MGST1: variants seen among roughly 807,000 people sequenced by gnomAD.
The protein encoded by MGST1 is glutathione S-transferase 12.
MGST1 carries 5 observed loss-of-function variants against 8.9 expected under a neutral mutation model. The ratio of observed to expected loss-of-function variants is 0.56; its 90% CI spans 0.29 to 1.19. MGST1 has a LOEUF of 1.19. Ranked by LOEUF, MGST1 falls within the 50% of genes most tolerant of loss-of-function variation. The pLI is 0.08. For synonymous variants in MGST1, 54 were observed against 67.8 expected (o/e 0.80, Z 1.00); for missense variants, 182 against 187.4 (o/e 0.97, Z 0.17).
At chr12:16,353,633 G>T (rs1013334229) in intron 1 of MGST1, among the ~76,000 whole-genome samples, 4 of 150,614 alleles carry the variant, frequency 2.7e-5, no homozygotes, top group Non-Finnish European at 5.9e-5. Flanking sequence ...TGTGATGTTA[G>T]TCTATGTTTA....
At chr12:16,376,949 T>C (rs768314700) in exon 4 of MGST1, 4 of 152,132 alleles carry the variant, frequency 2.6e-5, no homozygotes, top group Non-Finnish European at 5.9e-5. Flanking sequence ...TCATTCCTTT[T>C]ATTTATGTTT....
intron 2 of MGST1, among the ~76,000 whole-genome samples, chr12:16,354,950 A>T (rs1253198582): frequency 6.6e-6 from 1 of 151,084 alleles, no homozygotes; most frequent in Non-Finnish European, 1.5e-5. Flanking sequence ...TTAAGTGCAG[A>T]TGTGGGGAGG....
In MGST1 at chr12:16,450,393, A is replaced by G. The variant is rs1447692488; in HGVS notation, n.482+66789A>G. Among the ~76,000 whole-genome samples, 4 of 151,912 alleles carry G rather than the reference A, an allele frequency of 2.6e-5. No homozygotes were observed. In the East Asian group the frequency reaches 7.8e-4, roughly 30 times the overall value. ...CAAAGGGCTGCTGAAACAACAAAAT[A>G]CAATGAAATGGCTGTTCCTTGGGAA... is the stretch of plus-strand genomic sequence containing the variant. On this transcript the variant is annotated intron_variant and non_coding_transcript_variant, in intron 4 of 4. Coordinates refer to the MGST1 transcript ENST00000538857.
intron 3 of MGST1, chr12:16,370,507 A>G (rs1940272776): frequency 6.6e-6 from 1 of 152,140 alleles, no homozygotes; most frequent in Admixed American, 6.6e-5. Context: ...ATAATTGTAT[A>G]TTATCTTCTA....
chr12:16,402,491 C>A, intron 1 of MGST1: 1 of 1,345,484 alleles, frequency 7.4e-7, no homozygotes. Flanking sequence ...CTGCTCTCGG[C>A]CCAGGAATCC....
intron 4 of MGST1, among the ~76,000 whole-genome samples, chr12:16,470,240 A>G (rs534777091): frequency 3.3e-5 from 5 of 152,342 alleles, no homozygotes; most frequent in African/African-American, 1.2e-4. Context: ...GCTATGTTTC[A>G]GTTGGGATTT....
rs973618169 is a variant in MGST1 at position 16,560,296 on chromosome 12, C to G, written n.483-29232C>G. The G allele has an allele frequency of 2.1e-5, 25 of 1,179,684 alleles. No homozygotes were observed. Among genetic ancestry groups the G allele is most frequent in the African/African-American group, 3.1e-5 (2 of 64,908 alleles). The allele number at this position is 1,179,684 out of a possible 1,614,324, so 73.1% of individuals were successfully genotyped here. On this transcript the variant is annotated intron_variant and non_coding_transcript_variant, in intron 4 of 4. Coordinates refer to the MGST1 transcript ENST00000538857. The surrounding 1 kb of genome is among the most constrained non-coding windows in gnomAD (Gnocchi z 5.0). Reference sequence around the variant, plus strand: ...TGGCATGGGATTAAAGTTTACAGAACAGAAAAACGCTGAGATTGATTGCTT... The same window carrying G: ...TGGCATGGGATTAAAGTTTACAGAAGAGAAAAACGCTGAGATTGATTGCTT...
chr12:16,413,219 TG>T lies in MGST1; in HGVS notation n.779-24167del, dbSNP rs1246165158. On this transcript the variant is annotated intron_variant and non_coding_transcript_variant, in intron 1 of 1. Coordinates refer to the MGST1 transcript ENST00000359720. The surrounding 1 kb of genome is among the most constrained non-coding windows in gnomAD (Gnocchi z 4.0). ...CTATTTGGCTCTGCAGGAGCTAAAC[TG>T]GTATCTACGGATGCTGTGTTGCCAT... is the stretch of plus-strand genomic sequence containing the variant. 9.8e-5 allele frequency among the ~76,000 whole-genome samples: 15 copies of T among 152,322 alleles called. No homozygotes were observed.
intron 4 of MGST1, among the ~76,000 whole-genome samples, chr12:16,561,066 T>C (rs962309314): frequency 2.0e-5 from 3 of 152,104 alleles, no homozygotes; most frequent in African/African-American, 7.2e-5. Context: ...TATACCATAG[T>C]TATAGCTATG....
At chr12:16,430,650 T>C (rs1406804817) in intron 1 of MGST1, among the ~76,000 whole-genome samples, 3 of 152,108 alleles carry the variant, frequency 2.0e-5, no homozygotes, top group Non-Finnish European at 2.9e-5. Flanking sequence ...AACAGTGGAC[T>C]TAAAATATTC....
At chr12:16,549,464 C>G (rs1027117433) in intron 4 of MGST1, 1 of 152,412 alleles carries the variant, frequency 6.6e-6, no homozygotes, top group Non-Finnish European at 1.5e-5. Context: ...CATAATAAAG[C>G]TTTGTTTTAA....
chr12:16,495,329 T>C lies in MGST1; in HGVS notation n.483-94199T>C, dbSNP rs1376073622. On this transcript the variant is annotated intron_variant and non_coding_transcript_variant, in intron 4 of 4. Coordinates refer to the MGST1 transcript ENST00000538857. ...GGGGACAAATAGAAGGGGAGGCAGG[T>C]GAAGAGGGTTGAAAAATGAACCATT... Among the ~76,000 whole-genome samples the C allele has an allele frequency of 2.6e-5, 4 of 152,056 alleles. No individual in the cohort carries two copies. In the East Asian group the frequency reaches 7.7e-4, roughly 29 times the overall value.
intron 4 of MGST1, among the ~76,000 whole-genome samples, chr12:16,501,245 G>A (rs1223341986): frequency 6.6e-6 from 1 of 152,134 alleles, no homozygotes; most frequent in Non-Finnish European, 1.5e-5. Context: ...TTAGGAGTAG[G>A]TTTCTAAAGC....
chr12:16,579,775 C>T (rs757569007), intron 4 of MGST1, among the ~76,000 whole-genome samples: 13 of 151,994 alleles, frequency 8.6e-5, no homozygotes, highest in African/African-American at 1.4e-4. Flanking sequence ...ATTCAGTGGC[C>T]GAGTGAATGC....
At chr12:16,353,767 T>TTC (rs1555093117) in intron 1 of MGST1, among the ~76,000 whole-genome samples, 1 of 148,054 alleles carries the variant, frequency 6.8e-6, no homozygotes, top group Non-Finnish European at 1.5e-5. Context: ...CTTTTTTTTT[T>TTC]TTTTTTTTTT....
intron 4 of MGST1, among the ~76,000 whole-genome samples, chr12:16,569,901 T>G (rs1220552461): frequency 6.6e-6 from 1 of 152,114 alleles, no homozygotes. Context: ...TAGAAACAAA[T>G]ATTTTATCTA....
At chr12:16,399,349 C>A (rs752420369) in intron 1 of MGST1, 81 of 1,556,978 alleles carry the variant, frequency 5.2e-5, no homozygotes, top group Non-Finnish European at 2.0e-5. Flanking sequence ...GAGCCATGGC[C>A]CAAACTGTGC....
downstream of MGST1, among the ~76,000 whole-genome samples, chr12:16,377,920 GT>G (rs1280093719): frequency 6.6e-6 from 1 of 151,288 alleles, no homozygotes; most frequent in Non-Finnish European, 1.5e-5. Flanking sequence ...TTTTTCATGT[GT>G]TTTTTGGCTG....
At chr12:16,402,332 T>C (rs1940663140) in intron 1 of MGST1, 10 of 1,597,956 alleles carry the variant, frequency 6.3e-6, no homozygotes, top group Non-Finnish European at 7.7e-6. Context: ...TGGCTCAACG[T>C]TGGCATACTC....
Sources: gnomAD v4.1 joint callset for allele counts (sites outside exome capture counted in the v4.1 genomes callset) on GRCh38, gnomAD v4.1.1 for gene constraint, Gnocchi (gnomAD v3.1) non-coding constraint, MANE v1.5 for transcripts, NCBI Gene and HGNC (gene_info 2026-07-23, HGNC 2026-07-21) for gene names.